The following COL26A1 variants were observed in gnomAD, a reference collection of about 807,000 sequenced individuals.
COL26A1 encodes the protein collagen alpha-1(XXVI) chain.
In COL26A1, 41 loss-of-function variants were observed where a neutral mutation model predicts 59.3. The observed-to-expected ratio is 0.69, with a 90% confidence interval of 0.54 to 0.90. COL26A1 has a LOEUF of 0.90. COL26A1 is among the 40% of genes least tolerant of loss of function. The probability of loss-of-function intolerance (pLI) is 0.00; values close to 1 mark genes in which losing one functional copy is unlikely to be tolerated. For synonymous variants in COL26A1, 266 were observed against 256.0 expected (o/e 1.04, Z -0.37); for missense variants, 612 against 602.3 (o/e 1.02, Z -0.17).
At chr7:101,484,935 A>T (rs1474335894) in intron 3 of COL26A1, among the ~76,000 whole-genome samples, 3 of 151,944 alleles carry the variant, frequency 2.0e-5, no homozygotes, top group African/African-American at 7.3e-5. Context: ...GCTCACTGCA[A>T]CCTCTGCCTC....
intron 1 of COL26A1, among the ~76,000 whole-genome samples, chr7:101,387,772 A>ATTTTTT (rs1374717696): frequency 1.2e-4 from 5 of 42,504 alleles, no homozygotes; most frequent in African/African-American, 2.2e-4. Flanking sequence ...ATATATATAT[A>ATTTTTT]TATATATTTT....
chr7:101,554,187 G>A (rs1022451447), intron 11 of COL26A1, among the ~76,000 whole-genome samples: 4 of 152,096 alleles, frequency 2.6e-5, no homozygotes, highest in Non-Finnish European at 5.9e-5. Flanking sequence ...GGGCCGGCAG[G>A]GGGGGCCTTG....
intron 2 of COL26A1, among the ~76,000 whole-genome samples, chr7:101,420,685 G>A (rs62463406): frequency 5.9e-5 from 1 of 16,906 alleles, no homozygotes; most frequent in Non-Finnish European, 1.4e-4. Flanking sequence ...TACCAGCCAC[G>A]CCCCTCACCA....
intron 1 of COL26A1, among the ~76,000 whole-genome samples, chr7:101,363,615 T>C (rs10248086): frequency 0.6 from 77,585 of 128,972 alleles, 22,221 homozygotes; most frequent in African/African-American, 0.76. Context: ...GCCGCGGGGC[T>C]GCGGGGCTGC....
Position 101,416,748 on chromosome 7 carries a change from G to T in COL26A1, c.159-3229G>T, listed in dbSNP as rs1294471142. Among the ~76,000 whole-genome samples the T allele has an allele frequency of 9.9e-5, 14 of 141,622 alleles. 1 individual carries two copies. Among genetic ancestry groups the T allele is most frequent in the Admixed American group, 6.4e-4 (9 of 13,994 alleles). The allele number at this position is 141,622 out of a possible 152,430, so 92.9% of individuals were successfully genotyped here. On this transcript the variant is annotated intron_variant, in intron 1 of 12. Coordinates refer to ENST00000313669, the MANE Select transcript of COL26A1 (RefSeq NM_001278563.3). Reference sequence around the variant, plus strand: ...GCATTTTTTTAATTTCATTTTTTTTGTGTGTGTATGTCACAGGGTCTTGCT... The same window carrying T: ...GCATTTTTTTAATTTCATTTTTTTTTTGTGTGTATGTCACAGGGTCTTGCT...
At chr7:101,375,664 A>G (rs1163453128) in intron 1 of COL26A1, among the ~76,000 whole-genome samples, 5 of 151,426 alleles carry the variant, frequency 3.3e-5, no homozygotes, top group Non-Finnish European at 7.4e-5. Context: ...ACATAGCAAG[A>G]CCCCATATCT....
intron 1 of COL26A1, among the ~76,000 whole-genome samples, chr7:101,386,257 G>GTT (rs71106515): frequency 0.037 from 4,395 of 117,426 alleles, 222 homozygotes; most frequent in African/African-American, 0.14. Context: ...GTCCTAGCTT[G>GTT]TTTTTTTTTT....
intron 3 of COL26A1, among the ~76,000 whole-genome samples, chr7:101,449,404 G>T (rs1022198553): frequency 6.6e-5 from 10 of 152,240 alleles, no homozygotes; most frequent in African/African-American, 2.4e-4. Context: ...GGCCGAGGAG[G>T]CGAGAGTTGC....
At chr7:101,364,862 G>A (rs938490412) in intron 1 of COL26A1, among the ~76,000 whole-genome samples, 3 of 152,156 alleles carry the variant, frequency 2.0e-5, no homozygotes, top group African/African-American at 4.8e-5. Flanking sequence ...GAGCCACCAC[G>A]CCAGGCCCAG....
rs1250347367 is a variant in COL26A1, at chr7:101,495,666, A to G, written c.386-37416A>G. 6.6e-5 allele frequency among the ~76,000 whole-genome samples: 10 copies of G among 150,548 alleles called. 1 individual carries two copies. The highest frequency in any genetic ancestry group is 2.4e-4 in the African/African-American group (10 of 41,184). ...AATCTCCTGACCTTGTGATCCGCCC[A>G]CCTCGGCCTCCCAAAGTGCTGGGAT... is the stretch of plus-strand genomic sequence containing the variant. On this transcript the variant is annotated intron_variant, in intron 3 of 12. Coordinates refer to ENST00000313669, the MANE Select transcript of COL26A1 (RefSeq NM_001278563.3).
At chr7:101,428,698 GAC>G (rs1405342935) in intron 2 of COL26A1, among the ~76,000 whole-genome samples, 2 of 151,836 alleles carry the variant, frequency 1.3e-5, no homozygotes, top group Non-Finnish European at 2.9e-5. Flanking sequence ...TGTGTGTTGA[GAC>G]ACAGTCTTGT....
At chr7:101,547,604 CT>C (rs1037795435) in intron 8 of COL26A1, among the ~76,000 whole-genome samples, 1 of 152,234 alleles carries the variant, frequency 6.6e-6, no homozygotes, top group Non-Finnish European at 1.5e-5. Flanking sequence ...GGGCTGGGAC[CT>C]GGCTGTCAGT....
intron 3 of COL26A1, among the ~76,000 whole-genome samples, chr7:101,514,017 T>C (rs1366221823): frequency 1.3e-5 from 2 of 152,150 alleles, no homozygotes; most frequent in East Asian, 3.9e-4. Context: ...TCCAGTCTCA[T>C]TAACAATGTA....
Position 101,362,972 on chromosome 7 carries a change from C to G in COL26A1, c.-61C>G, listed in dbSNP as rs940238185. The G allele has an allele frequency of 6.7e-7, 1 of 1,498,772 alleles. No homozygotes were observed. Among genetic ancestry groups the G allele is most frequent in the African/African-American group, 1.4e-5 (1 of 69,574 alleles). The allele number at this position is 1,498,772 out of a possible 1,614,324, so 92.8% of individuals were successfully genotyped here. The stretch of plus-strand genomic sequence containing the variant: ...GGTGCCGCGGGTTCGGTCCGGGCGC[C>G]GGTGCGCTCCTGCCGGTCCTCGTGC... On this transcript the variant is annotated 5_prime_UTR_variant, in exon 1 of 13. Transcript: ENST00000313669.
chr7:101,414,067 G>T (rs200593027), intron 1 of COL26A1, among the ~76,000 whole-genome samples: 1 of 152,118 alleles, frequency 6.6e-6, no homozygotes, highest in Non-Finnish European at 1.5e-5. Flanking sequence ...CCCCACAACC[G>T]CGGCTACCTG....
At chr7:101,435,102 A>C (rs1403890533) in intron 2 of COL26A1, among the ~76,000 whole-genome samples, 1 of 152,168 alleles carries the variant, frequency 6.6e-6, no homozygotes, top group Non-Finnish European at 1.5e-5. Context: ...AGGCAGGCAG[A>C]TCACCTGAGA....
At chr7:101,502,507 A>T (rs1319760490) in intron 3 of COL26A1, among the ~76,000 whole-genome samples, 3 of 152,170 alleles carry the variant, frequency 2.0e-5, no homozygotes, top group Non-Finnish European at 2.9e-5. Flanking sequence ...GGCTTTCTAT[A>T]CTAACAGGTC....
At chr7:101,462,525 C>G (rs1453656202) in intron 3 of COL26A1, among the ~76,000 whole-genome samples, 1 of 151,938 alleles carries the variant, frequency 6.6e-6, no homozygotes, top group Admixed American at 6.6e-5. Flanking sequence ...CCATGTTAGT[C>G]AGGCTGGTCT....
At chr7:101,510,693 A>C (rs55677701) in intron 3 of COL26A1, among the ~76,000 whole-genome samples, 3,057 of 151,958 alleles carry the variant, frequency 0.02, 107 homozygotes, top group African/African-American at 0.069. Context: ...TTTTTTGTAG[A>C]GAATGAGGCT....
Sources: allele counts gnomAD v4.1 joint callset (sites outside exome capture counted in the v4.1 genomes callset), GRCh38; gene constraint gnomAD v4.1.1; transcripts MANE v1.5; gene names NCBI Gene and HGNC (gene_info 2026-07-23, HGNC 2026-07-21).